Variants in NLGN1 observed in about 807,000 individuals in gnomAD.
The protein encoded by NLGN1 is neuroligin-1.
In NLGN1, 12 loss-of-function variants were observed where a neutral mutation model predicts 65.5. That is an observed-to-expected ratio of 0.18 (90% CI 0.12 to 0.30). The LOEUF (loss-of-function observed/expected upper bound fraction) is 0.30, where lower values mean the gene tolerates loss of function less well. Among genes scored for constraint, NLGN1 ranks in the 10% least tolerant of loss-of-function variants. NLGN1 has a pLI of 1.00. For missense variants in NLGN1, 750 were observed against 1,007.1 expected, an observed-to-expected ratio of 0.74 and a Z score of 3.46; for synonymous variants, 350 against 359.5, an observed-to-expected ratio of 0.97 and a Z score of 0.30.
chr3:174,046,570 CA>C (rs1200986121), intron 4 of NLGN1, among the ~76,000 whole-genome samples: 6 of 152,010 alleles, frequency 3.9e-5, no homozygotes, highest in African/African-American at 1.4e-4. Context: ...TTGCTAGGTT[CA>C]ACAAACACAT....
At chr3:173,620,608 T>A (rs1009080371) in intron 3 of NLGN1, among the ~76,000 whole-genome samples, 2 of 152,098 alleles carry the variant, frequency 1.3e-5, no homozygotes, top group Non-Finnish European at 2.9e-5. Context: ...ACTGAACAAA[T>A]TTTTAATCAC....
intron 3 of NLGN1, among the ~76,000 whole-genome samples, chr3:173,632,844 T>G (rs1212823702): frequency 2.3e-5 from 2 of 86,002 alleles, no homozygotes; most frequent in African/African-American, 4.6e-5. Context: ...AGTGTTTTTT[T>G]TTTTGTTTTT....
chr3:173,730,398 A>G (rs1772615081), intron 3 of NLGN1, among the ~76,000 whole-genome samples: 1 of 148,718 alleles, frequency 6.7e-6, no homozygotes, highest in Non-Finnish European at 1.5e-5. Context: ...TTTAGTAGCC[A>G]CACTAAAAGA....
At chr3:173,668,796 G>T (rs1469824584) in intron 3 of NLGN1, among the ~76,000 whole-genome samples, 2 of 151,594 alleles carry the variant, frequency 1.3e-5, no homozygotes, top group Admixed American at 1.3e-4. Flanking sequence ...GCTAATTTTT[G>T]TATTTTTAGT....
chr3:174,276,438 A>ATAAT (rs745385807), intron 5 of NLGN1, among the ~76,000 whole-genome samples: 5 of 151,650 alleles, frequency 3.3e-5, no homozygotes, highest in Non-Finnish European at 7.4e-5. Flanking sequence ...AGGAAGACAG[A>ATAAT]TAATATATAA....
At chr3:173,751,612 T>C (rs1195526480) in intron 3 of NLGN1, among the ~76,000 whole-genome samples, 1 of 151,894 alleles carries the variant, frequency 6.6e-6, no homozygotes. Flanking sequence ...AAGACAGAGA[T>C]TTCCAAGCAA....
intron 1 of NLGN1, chr3:173,399,568 T>C (rs1717268188): frequency 6.6e-6 from 1 of 152,220 alleles, no homozygotes; most frequent in Admixed American, 6.5e-5. Context: ...GAGAACTCCA[T>C]TGGTTTCATT....
chr3:174,086,961 T>C (rs1743534177), intron 4 of NLGN1, among the ~76,000 whole-genome samples: 2 of 152,164 alleles, frequency 1.3e-5, no homozygotes, highest in Non-Finnish European at 2.9e-5. Context: ...AATACTATTA[T>C]CTTTACATAG....
intron 3 of NLGN1, among the ~76,000 whole-genome samples, chr3:173,687,712 T>C (rs1764881435): frequency 6.6e-6 from 1 of 152,236 alleles, no homozygotes; most frequent in Non-Finnish European, 1.5e-5. Context: ...CACTTATATA[T>C]GTATGTCCAG....
At chr3:174,181,959 A>G (rs7630249) in intron 4 of NLGN1, among the ~76,000 whole-genome samples, 14,537 of 141,812 alleles carry the variant, frequency 0.1, 928 homozygotes, top group Admixed American at 0.14. Context: ...CCTGGGCAAC[A>G]GATTGAGACT....
intron 4 of NLGN1, among the ~76,000 whole-genome samples, chr3:173,934,917 T>C (rs895667182): frequency 5.9e-5 from 9 of 151,870 alleles, no homozygotes; most frequent in Admixed American, 5.9e-4. Flanking sequence ...AATAAAAGAG[T>C]CTCTATCCTA....
In NLGN1 at chr3:173,603,877, C is replaced by T. The variant is rs184083972; in HGVS notation, c.-320-402C>T. Among the ~76,000 whole-genome samples the T allele has an allele frequency of 1.2e-3, 182 of 152,148 alleles. 1 individual carries two copies. Among genetic ancestry groups the T allele is most frequent in the African/African-American group, 3.9e-3 (164 of 41,540 alleles). Reference sequence around the variant, plus strand: ...AGTTTGTATCTGTTCTGCTAGTTTACTGCCAGTTTCTTAAAATATTTTCTG... The same window carrying T: ...AGTTTGTATCTGTTCTGCTAGTTTATTGCCAGTTTCTTAAAATATTTTCTG... On this transcript the variant is annotated intron_variant, in intron 2 of 6. Coordinates refer to ENST00000457714, the Ensembl canonical transcript of NLGN1.
intron 3 of NLGN1, among the ~76,000 whole-genome samples, chr3:173,681,574 G>A (rs943280054): frequency 5.3e-5 from 8 of 152,134 alleles, no homozygotes; most frequent in Non-Finnish European, 1.0e-4. Context: ...CCCTCAGGGA[G>A]AAATCTGCAC....
At chr3:173,950,364 T>C (rs1293206992) in intron 4 of NLGN1, among the ~76,000 whole-genome samples, 2 of 152,244 alleles carry the variant, frequency 1.3e-5, no homozygotes, top group Admixed American at 6.5e-5. Flanking sequence ...GATGCTTATG[T>C]GTATGCTGGA....
intron 4 of NLGN1, among the ~76,000 whole-genome samples, chr3:174,165,981 G>A (rs1425960583): frequency 6.6e-6 from 1 of 151,986 alleles, no homozygotes; most frequent in East Asian, 1.9e-4. Flanking sequence ...GTTTATATGT[G>A]TAGAGGTGTT....
intron 3 of NLGN1, among the ~76,000 whole-genome samples, chr3:173,650,924 A>AT (rs71856605): frequency 0.021 from 2,987 of 143,286 alleles, 39 homozygotes; most frequent in Non-Finnish European, 0.028. Context: ...TTGCCTGTTT[A>AT]TTTTTTTTTT....
At chr3:174,086,386 T>G (rs1019049200) in intron 4 of NLGN1, among the ~76,000 whole-genome samples, 2 of 149,856 alleles carry the variant, frequency 1.3e-5, no homozygotes, top group Admixed American at 6.7e-5. Context: ...AACAAATACT[T>G]TTTAATTTTT....
intron 2 of NLGN1, among the ~76,000 whole-genome samples, chr3:173,502,754 A>T (rs148973494): frequency 6.6e-6 from 1 of 152,064 alleles, no homozygotes; most frequent in African/African-American, 2.4e-5. Context: ...CAAATCACTG[A>T]ATTTTAATCG....
At chr3:173,630,341 C>G (rs936152205) in intron 3 of NLGN1, among the ~76,000 whole-genome samples, 17 of 151,980 alleles carry the variant, frequency 1.1e-4, no homozygotes, top group African/African-American at 3.9e-4. Context: ...TAGTCACATA[C>G]TTATCTGATT....
Sources: allele counts gnomAD v4.1 joint callset (sites outside exome capture counted in the v4.1 genomes callset), GRCh38; gene constraint gnomAD v4.1.1; transcripts MANE v1.5; gene names NCBI Gene and HGNC (gene_info 2026-07-23, HGNC 2026-07-21).